ERBB4: variants seen among roughly 807,000 people sequenced by gnomAD.
ERBB4 encodes receptor tyrosine-protein kinase erbB-4.
A neutral mutation model predicts 158.0 loss-of-function variants in ERBB4; 42 were observed. The observed-to-expected ratio is 0.27, with a 90% CI of 0.21 to 0.34. The LOEUF is 0.34. Among genes scored for constraint, ERBB4 ranks in the 10% least tolerant of loss-of-function variants. The pLI, the probability that ERBB4 is intolerant of heterozygous loss-of-function variation, is 1.00. For synonymous variants in ERBB4, 583 were observed against 558.7 expected (o/e 1.04, Z -0.61); for missense variants, 1,333 against 1,624.1 (o/e 0.82, Z 3.08).
intron 2 of ERBB4, among the ~76,000 whole-genome samples, chr2:212,102,966 C>A (rs2125521686): frequency 6.6e-6 from 1 of 152,236 alleles, no homozygotes; most frequent in South Asian, 2.1e-4. Flanking sequence ...AGTATTTCTA[C>A]TTCAACTTCT....
At position 212,190,471 on chromosome 2, in the gene ERBB4, G is replaced by A. The variant is rs571117120; in HGVS notation, c.83-65568C>T. Among the ~76,000 whole-genome samples the A allele has an allele frequency of 1.2e-3, 186 of 151,806 alleles. 1 individual carries two copies. Among genetic ancestry groups the A allele is most frequent in the African/African-American group, 4.2e-3 (172 of 41,434 alleles). On this transcript the variant is annotated intron_variant, in intron 1 of 27. Transcript: ENST00000342788. ...AGAATGGCGTGAACCCGGGAGGTGG[G>A]GCTTGCAGTGAGCGGAGATCGTGCC...
rs1240101755 is a variant in ERBB4, at chr2:211,925,362, CA to C, written c.421+22067del. On this transcript the variant is annotated intron_variant, in intron 3 of 27. Transcript: ENST00000342788. ...GGATGTAATAAAATCATATTTGAAA[CA>C]AAAACAAGACTGCTTTTTTTTTTTT... Among the ~76,000 whole-genome samples the C allele has an allele frequency of 4.8e-5, 6 of 124,266 alleles. No individual in the cohort carries two copies. The East Asian group carries it at 1.4e-3, about 30-fold the overall frequency. The allele number at this position is 124,266 out of a possible 152,430, so 81.5% of individuals were successfully genotyped here. A position where few individuals can be genotyped will look rare whatever the true frequency, so the allele number is the denominator to read the frequency against.
chr2:211,677,089 A>C (rs2072105225), intron 13 of ERBB4, among the ~76,000 whole-genome samples: 1 of 152,100 alleles, frequency 6.6e-6, no homozygotes, highest in African/African-American at 2.4e-5. Context: ...TATTTTATGG[A>C]TGGAATTGGT....
At chr2:212,134,843 C>G (rs912947251) in intron 1 of ERBB4, among the ~76,000 whole-genome samples, 1 of 151,998 alleles carries the variant, frequency 6.6e-6, no homozygotes, top group African/African-American at 2.4e-5. Context: ...GCCACCATGC[C>G]TGGCTAATTT....
At chr2:212,538,321 A>G in intron 1 of ERBB4, 128 bp downstream of exon 1, 1 of 817,166 alleles carries the variant, frequency 1.2e-6, no homozygotes, top group Non-Finnish European at 2.2e-6. Context: ...CCGAAAGCCC[A>G]GGGAAGAGGC....
chr2:212,265,400 A>C (rs954772860), intron 1 of ERBB4, among the ~76,000 whole-genome samples: 2 of 152,060 alleles, frequency 1.3e-5, no homozygotes, highest in African/African-American at 4.8e-5. Context: ...CAATTATTAG[A>C]TTTCTTTATA....
In ERBB4 at chr2:212,062,396, A is replaced by ATTTT. The variant is rs1559419685; in HGVS notation, c.234+62355_234+62356insAAAA. On this transcript the variant is annotated intron_variant, in intron 2 of 27. Transcript: ENST00000342788. ...CTCCTACTACTCTTCTCACTTGTCA[A>ATTTT]TTCTTTTTTTTTTTTTTTTTTTTTT... Among the ~76,000 whole-genome samples the ATTTT allele has an allele frequency of 4.6e-4, 44 of 96,528 alleles. 1 individual carries two copies. Among genetic ancestry groups the ATTTT allele is most frequent in the Admixed American group, 6.7e-4 (5 of 7,472 alleles). 63.3% of individuals were successfully genotyped at this position (96,528 alleles called of 152,430 possible). A position where few individuals can be genotyped will look rare whatever the true frequency, so the allele number is the denominator to read the frequency against.
rs78546007 is a variant in ERBB4, at chr2:211,915,438, C to CATATATAT, written c.421+31984_421+31991dup. On this transcript the variant is annotated intron_variant, in intron 3 of 27. Coordinates refer to ENST00000342788, the MANE Select transcript of ERBB4 (RefSeq NM_005235.3). Reference sequence around the variant, plus strand: ...GCAAACTAACAGAGTTCAAACATTACATATATATATATATATATCTCCAAT... The same window carrying CATATATAT: ...GCAAACTAACAGAGTTCAAACATTACATATATATATATATATATATATATATCTCCAAT... 9.9e-3 allele frequency among the ~76,000 whole-genome samples: 1,458 copies of CATATATAT among 147,574 alleles called. 24 individuals carry two copies. Among genetic ancestry groups the CATATATAT allele is most frequent in the African/African-American group, 0.035 (1,401 of 40,528 alleles).
At chr2:212,132,364 C>A (rs553490328) in intron 1 of ERBB4, among the ~76,000 whole-genome samples, 3 of 152,096 alleles carry the variant, frequency 2.0e-5, no homozygotes, top group Non-Finnish European at 4.4e-5. Flanking sequence ...ACAGCATGCC[C>A]AGAATGCTGG....
rs1413944005 is a variant in ERBB4, at chr2:211,661,739, G to A, written c.1871+3584C>T. On this transcript the variant is annotated intron_variant, in intron 15 of 27. Coordinates refer to ENST00000342788, the MANE Select transcript of ERBB4 (RefSeq NM_005235.3). The stretch of plus-strand genomic sequence containing the variant: ...TCAGTTTAAGAATATTTTAAAAATG[G>A]ATAAAAAGATTAAGGTACGGCCGGG... 4.6e-5 allele frequency among the ~76,000 whole-genome samples: 7 copies of A among 151,732 alleles called. No individual in the cohort carries two copies. In the East Asian group the frequency reaches 1.4e-3, roughly 29 times the overall value.
chr2:211,588,298 A>T (rs1013058123), intron 19 of ERBB4, among the ~76,000 whole-genome samples: 2 of 152,064 alleles, frequency 1.3e-5, no homozygotes, highest in African/African-American at 2.4e-5. Flanking sequence ...TCATCATGTA[A>T]TTTTTTTCAT....
At chr2:212,313,263 A>G (rs2087127001) in intron 1 of ERBB4, among the ~76,000 whole-genome samples, 1 of 150,934 alleles carries the variant, frequency 6.6e-6, no homozygotes, top group Admixed American at 6.6e-5. Flanking sequence ...AGAGAATACC[A>G]ACACAATATA....
intron 4 of ERBB4, among the ~76,000 whole-genome samples, chr2:211,773,612 ATAT>A (rs2075775875): frequency 3.1e-5 from 1 of 31,978 alleles, no homozygotes; most frequent in African/African-American, 2.1e-4. Flanking sequence ...ATATATATAT[ATAT>A]ATATATATAT....
chr2:211,565,937 T>C (rs1042315915), intron 19 of ERBB4, among the ~76,000 whole-genome samples: 2 of 152,186 alleles, frequency 1.3e-5, no homozygotes, highest in African/African-American at 2.4e-5. Context: ...GTAAAAAAGA[T>C]ACTTCAATTA....
chr2:212,378,714 T>G (rs972311451), intron 1 of ERBB4, among the ~76,000 whole-genome samples: 3 of 151,936 alleles, frequency 2.0e-5, no homozygotes, highest in African/African-American at 7.2e-5. Flanking sequence ...TTGGTCACTA[T>G]TAACTCAGTA....
intron 1 of ERBB4, among the ~76,000 whole-genome samples, chr2:212,358,811 C>A (rs2089568260): frequency 6.6e-6 from 1 of 151,606 alleles, no homozygotes; most frequent in Non-Finnish European, 1.5e-5. Context: ...CAATAACTCA[C>A]CAGCCTTAAA....
intron 1 of ERBB4, among the ~76,000 whole-genome samples, chr2:212,246,208 T>G (rs1262474219): frequency 6.6e-6 from 1 of 152,188 alleles, no homozygotes; most frequent in Non-Finnish European, 1.5e-5. Context: ...AAATTTAACT[T>G]AAAGGAATTA....
intron 2 of ERBB4, among the ~76,000 whole-genome samples, chr2:211,971,861 A>T (rs909702217): frequency 1.3e-5 from 2 of 152,196 alleles, no homozygotes; most frequent in Non-Finnish European, 2.9e-5. Flanking sequence ...AAATTGTCAC[A>T]AGACAAGGAT....
intron 1 of ERBB4, among the ~76,000 whole-genome samples, chr2:212,341,702 A>C (rs2088722709): frequency 6.6e-6 from 1 of 152,184 alleles, no homozygotes; most frequent in South Asian, 2.1e-4. Context: ...TTATTTAGTT[A>C]TTTCAAATTA....
Sources: allele counts gnomAD v4.1 joint callset (sites outside exome capture counted in the v4.1 genomes callset), GRCh38; gene constraint gnomAD v4.1.1; transcripts MANE v1.5; gene names NCBI Gene and HGNC (gene_info 2026-07-23, HGNC 2026-07-21).